DNAH3: variants seen among roughly 807,000 people sequenced by gnomAD.
The protein encoded by DNAH3 is dynein axonemal heavy chain 3.
DNAH3 carries 332 observed loss-of-function variants against 432.5 expected under a neutral mutation model. That is an observed-to-expected ratio of 0.77 (90% CI 0.70 to 0.84). DNAH3 has a LOEUF of 0.84. Ranked by LOEUF, DNAH3 falls within the 40% of genes least tolerant of loss-of-function variation. DNAH3 has a pLI of 0.00. For synonymous variants in DNAH3, 1,956 were observed against 1,900.2 expected, an observed-to-expected ratio of 1.03 and a Z score of -0.76; for missense variants, 4,861 against 5,114.0, an observed-to-expected ratio of 0.95 and a Z score of 1.51.
intron 51 of DNAH3, among the ~76,000 whole-genome samples, chr16:20,972,822 A>G (rs1331314550): frequency 1.5e-5 from 2 of 132,086 alleles, no homozygotes; most frequent in African/African-American, 3.0e-5. Context: ...TCTACCTCCC[A>G]GGTTCAAGTG....
intron 57 of DNAH3, among the ~76,000 whole-genome samples, chr16:20,946,853 G>T (rs1014596319): frequency 1.4e-5 from 2 of 141,780 alleles, no homozygotes; most frequent in Admixed American, 7.1e-5. Context: ...TTGAGACAGG[G>T]TCACTCTGTG....
intron 41 of DNAH3, among the ~76,000 whole-genome samples, chr16:21,009,562 G>A (rs994119013): frequency 1.3e-5 from 2 of 152,164 alleles, no homozygotes; most frequent in Admixed American, 6.6e-5. Flanking sequence ...TTTGTGGCTT[G>A]ATTTGGGAAC....
At chr16:20,975,549 C>G in intron 50 of DNAH3, 134 bp from the exon 51 acceptor site, 1 of 853,224 alleles carries the variant, frequency 1.2e-6, no homozygotes, top group East Asian at 2.6e-5. Context: ...GTCCTGGGTA[C>G]AGATTCGTTT....
intron 18 of DNAH3, among the ~76,000 whole-genome samples, chr16:21,089,644 T>C (rs1432695679): frequency 6.6e-6 from 1 of 152,106 alleles, no homozygotes; most frequent in Non-Finnish European, 1.5e-5. Context: ...CAAAGGAAAT[T>C]AGAAAGCACT....
At position 21,067,274 on chromosome 16, in the gene DNAH3, G is replaced by C. The variant is rs747907855; in HGVS notation, c.3518+9C>G. The C allele has an allele frequency of 1.2e-6, 2 of 1,613,672 alleles. No homozygotes were observed. Among genetic ancestry groups the C allele is most frequent in the South Asian group, 2.2e-5 (2 of 91,054 alleles). ...ATGTAATTCCAAATAAAAGAACAATGCTGGATACCTGGGGAAGAATAGTCT... is the reference window on the plus strand; with the variant it reads ...ATGTAATTCCAAATAAAAGAACAATCCTGGATACCTGGGGAAGAATAGTCT... On this transcript the variant is annotated intron_variant, in intron 24 of 61. Transcript: ENST00000261383.
intron 32 of DNAH3, among the ~76,000 whole-genome samples, 165 bp downstream of exon 32, chr16:21,041,862 G>A (rs1197212996): frequency 6.6e-6 from 1 of 152,092 alleles, no homozygotes; most frequent in Admixed American, 6.5e-5. Flanking sequence ...TAGTAGAGAT[G>A]GGGTTTCACC....
chr16:20,970,729 G>C (rs766614855), intron 51 of DNAH3, among the ~76,000 whole-genome samples: 3 of 152,092 alleles, frequency 2.0e-5, no homozygotes, highest in Non-Finnish European at 4.4e-5. Flanking sequence ...TCCTCATTAG[G>C]GGGGAAAGAA....
intron 3 of DNAH3, among the ~76,000 whole-genome samples, chr16:21,144,875 T>C (rs1057458270): frequency 4.6e-5 from 7 of 151,936 alleles, no homozygotes; most frequent in African/African-American, 1.7e-4. Context: ...CCCAGCACTT[T>C]CGGAGGTTGA....
In DNAH3 at chr16:21,005,764, T is replaced by C. The variant is rs2087270677; in HGVS notation, c.6023-2557A>G. ...GTTTGAGAATGACCGCCTGCTGCTTTTGTATTTTAACAGTGAGAGTAATAG... is the reference window on the plus strand; with the variant it reads ...GTTTGAGAATGACCGCCTGCTGCTTCTGTATTTTAACAGTGAGAGTAATAG... On this transcript the variant is annotated intron_variant, in intron 41 of 61. Transcript: ENST00000261383. Among the ~76,000 whole-genome samples the C allele has an allele frequency of 2.6e-5, 4 of 152,094 alleles. No individual in the cohort carries two copies. The South Asian group carries it at 6.2e-4, about 24-fold the overall frequency.
intron 54 of DNAH3, among the ~76,000 whole-genome samples, chr16:20,956,912 C>A (rs1416853827): frequency 1.3e-5 from 2 of 152,196 alleles, no homozygotes; most frequent in East Asian, 3.9e-4. Flanking sequence ...TTAGTAGAGA[C>A]AGGGTTTCAC....
chr16:21,116,552 CCT>C (rs1202164848), intron 12 of DNAH3, among the ~76,000 whole-genome samples: 1 of 152,076 alleles, frequency 6.6e-6, no homozygotes, highest in African/African-American at 2.4e-5. Flanking sequence ...GTCAATTAAG[CCT>C]CTTTCTTTTG....
chr16:20,949,340 A>C (rs1039615519), intron 56 of DNAH3, among the ~76,000 whole-genome samples: 1 of 151,234 alleles, frequency 6.6e-6, no homozygotes, highest in African/African-American at 2.4e-5. Flanking sequence ...AAAATAAATA[A>C]ATAAATAAAT....
At chr16:21,029,769 T>C (rs1002759148) in intron 37 of DNAH3, among the ~76,000 whole-genome samples, 1 of 152,264 alleles carries the variant, frequency 6.6e-6, no homozygotes, top group African/African-American at 2.4e-5. Context: ...TTTGGACTCC[T>C]AACTCTACTA....
chr16:21,060,828 C>CTTTT (rs34315223), intron 25 of DNAH3, among the ~76,000 whole-genome samples: 23 of 118,244 alleles, frequency 1.9e-4, no homozygotes, highest in East Asian at 5.0e-4. Flanking sequence ...CTGGTCTCTT[C>CTTTT]TTTTTTTTTT....
chr16:20,960,174 G>A (rs1295333686), intron 53 of DNAH3, among the ~76,000 whole-genome samples: 1 of 151,762 alleles, frequency 6.6e-6, no homozygotes, highest in Non-Finnish European at 1.5e-5. Flanking sequence ...TATCTTATAG[G>A]TCTCTTCCAC....
rs765194720 is a variant in DNAH3 at position 21,136,463 on chromosome 16, A to G, written c.747T>C (p.Pro249=). ...TCCGAACCATCACTTCACCCTCCTC[A>G]GGGGCAATCATGTCTTTGCGAATTC... is the stretch of plus-strand genomic sequence containing the variant. The change falls in exon 6 of 62, where the codon CCT becomes CCC. Residue 249 remains proline, a synonymous_variant. Transcript: ENST00000261383. 39 of 1,614,014 alleles carry G rather than the reference A, an allele frequency of 2.4e-5. 1 individual carries two copies. In the South Asian group the frequency reaches 3.8e-4, roughly 16 times the overall value.
chr16:20,954,977 G>C (rs138563227), exon 55 of DNAH3: 98 of 1,614,010 alleles, frequency 6.1e-5, no homozygotes, highest in South Asian at 2.3e-4. Flanking sequence ...GAGCCCTTTG[G>C]GGGGCTCATT....
rs796519673 is a variant in DNAH3, at chr16:21,139,151, T to C, written c.696+1385A>G. ...CATCTATCTAGAGCCAGGCAGGTAA[T>C]GTTAATAAGTGAAAGTTGTCTAGAC... On this transcript the variant is annotated intron_variant, in intron 5 of 61. Coordinates refer to ENST00000261383, the Ensembl canonical transcript of DNAH3. 1.7e-4 allele frequency among the ~76,000 whole-genome samples: 26 copies of C among 152,118 alleles called. No homozygotes were observed. In the South Asian group the frequency reaches 2.9e-3, roughly 17 times the overall value.
At chr16:21,151,908 C>T (rs982396984) in intron 1 of DNAH3, among the ~76,000 whole-genome samples, 1 of 151,872 alleles carries the variant, frequency 6.6e-6, no homozygotes, top group Non-Finnish European at 1.5e-5. Flanking sequence ...CCAAACACCA[C>T]GATATTCCCA....
Sources: gnomAD v4.1 joint callset for allele counts (sites outside exome capture counted in the v4.1 genomes callset) on GRCh38, gnomAD v4.1.1 for gene constraint, MANE v1.5 for transcripts, NCBI Gene and HGNC (gene_info 2026-07-23, HGNC 2026-07-21) for gene names.